AUTS2: variants seen among roughly 807,000 people sequenced by gnomAD.
AUTS2 encodes activator of transcription and developmental regulator AUTS2, also known as autism susceptibility gene 2 protein.
In AUTS2, 17 loss-of-function variants were observed where a neutral mutation model predicts 112.4. The observed-to-expected ratio is 0.15, with a 90% CI of 0.10 to 0.23. The LOEUF is 0.23. Ranked by LOEUF, AUTS2 falls within the 10% of genes least tolerant of loss-of-function variation. The pLI, the probability that AUTS2 is intolerant of heterozygous loss-of-function variation, is 1.00. For synonymous variants in AUTS2, 751 were observed against 702.7 expected (o/e 1.07, Z -1.09); for missense variants, 1,510 against 1,701.6 (o/e 0.89, Z 1.98).
chr7:70,461,925 T>C lies in AUTS2; in HGVS notation c.690+26144T>C, dbSNP rs560354093. 1.5e-4 allele frequency among the ~76,000 whole-genome samples: 23 copies of C among 152,268 alleles called. No homozygotes were observed. The South Asian group carries it at 4.8e-3, about 32-fold the overall frequency. On this transcript the variant is annotated intron_variant, in intron 5 of 18. Transcript: ENST00000342771. ...TTTCATTGGCCTTTCTCAAAAGAGT[T>C]GATTTGAGAAAGTGTTTTTTAAATA... is the stretch of plus-strand genomic sequence containing the variant.
At chr7:69,920,050 T>C in intron 2 of AUTS2, among the ~76,000 whole-genome samples, 1 of 140,116 alleles carries the variant, frequency 7.1e-6, no homozygotes, top group African/African-American at 2.7e-5. Context: ...TAATATGAGA[T>C]AGTGTAACTT....
intron 5 of AUTS2, among the ~76,000 whole-genome samples, chr7:70,681,590 T>C (rs925422285): frequency 2.0e-5 from 3 of 151,930 alleles, no homozygotes; most frequent in African/African-American, 7.3e-5. Context: ...ATTTCAGCGG[T>C]AGGCAAAGCA....
At chr7:70,281,131 A>G (rs914144676) in intron 4 of AUTS2, among the ~76,000 whole-genome samples, 2 of 152,158 alleles carry the variant, frequency 1.3e-5, no homozygotes, top group African/African-American at 4.8e-5. Flanking sequence ...ACATCCAACA[A>G]TCCCTTAAAT....
chr7:69,824,554 G>A (rs1054806985), intron 1 of AUTS2: 1 of 150,994 alleles, frequency 6.6e-6, no homozygotes, highest in African/African-American at 2.4e-5. Context: ...TTTAATCGCC[G>A]ATCTTGGTTG....
At chr7:70,184,135 G>A (rs1366526422) in intron 4 of AUTS2, among the ~76,000 whole-genome samples, 1 of 152,096 alleles carries the variant, frequency 6.6e-6, no homozygotes, top group Non-Finnish European at 1.5e-5. Flanking sequence ...CTGGAAATTT[G>A]TTAGCTCTTA....
intron 2 of AUTS2, among the ~76,000 whole-genome samples, chr7:70,036,043 G>A (rs1800986208): frequency 1.3e-5 from 2 of 152,238 alleles, no homozygotes; most frequent in African/African-American, 4.8e-5. Context: ...AGACTGCTTT[G>A]AATGGGGGAA....
chr7:70,592,057 A>G (rs1037482295), intron 5 of AUTS2, among the ~76,000 whole-genome samples: 2 of 152,250 alleles, frequency 1.3e-5, no homozygotes, highest in African/African-American at 4.8e-5. Flanking sequence ...TAAAATTAGA[A>G]AGTTATGCTG....
At position 70,787,225 on chromosome 7, in the gene AUTS2, C is replaced by T. The variant is rs141832494; in HGVS notation, c.2325C>T (p.Phe775=). 2.3e-5 allele frequency: 37 copies of T among 1,614,064 alleles called. No homozygotes were observed. In the African/African-American group the frequency reaches 3.9e-4, roughly 17 times the overall value. ...CCATTTCAGCACCCAACTCAATGTT[C>T]GGCCACAAGGATGGCCCCAGTGTGC... ...GNPSVTPNSM[F]GHKDGPSVQN... The change falls in exon 18 of 19, where the codon TTC becomes TTT. Residue 775 remains phenylalanine (F), a synonymous_variant. Transcript: ENST00000342771.
intron 5 of AUTS2, among the ~76,000 whole-genome samples, chr7:70,460,459 T>A (rs1796919335): frequency 6.8e-6 from 1 of 147,054 alleles, no homozygotes. Flanking sequence ...CAAGTGATTC[T>A]CCGGCCTCAG....
In AUTS2 at chr7:70,053,536, T is replaced by C. The variant is rs538436504; in HGVS notation, c.523-64596T>C. ...TGTCTTCCATTGTGGCAACCACTGT[T>C]TTGGGTGGTTTTTTTTTTTTGGAGA... is the stretch of plus-strand genomic sequence containing the variant. On this transcript the variant is annotated intron_variant, in intron 2 of 18. Coordinates refer to ENST00000342771, the MANE Select transcript of AUTS2 (RefSeq NM_015570.4). Among the ~76,000 whole-genome samples, 8 of 142,444 alleles carry C rather than the reference T, an allele frequency of 5.6e-5. No individual in the cohort carries two copies. The East Asian group carries it at 1.4e-3, about 25-fold the overall frequency. 93.4% of individuals were successfully genotyped at this position (142,444 alleles called of 152,430 possible). A position where few individuals can be genotyped will look rare whatever the true frequency, so the allele number is the denominator to read the frequency against.
At chr7:70,277,026 T>G (rs1787960666) in intron 4 of AUTS2, among the ~76,000 whole-genome samples, 1 of 152,210 alleles carries the variant, frequency 6.6e-6, no homozygotes, top group Non-Finnish European at 1.5e-5. Flanking sequence ...CCATTTGTTC[T>G]CAGTGTGAAA....
At chr7:70,155,995 T>G (rs924087219) in intron 4 of AUTS2, among the ~76,000 whole-genome samples, 4 of 152,036 alleles carry the variant, frequency 2.6e-5, no homozygotes, top group East Asian at 1.9e-4. Flanking sequence ...GTTTTGTTTT[T>G]TTCTCCTGTT....
chr7:70,181,815 T>G (rs1213845513), intron 4 of AUTS2, among the ~76,000 whole-genome samples: 1 of 103,954 alleles, frequency 9.6e-6, no homozygotes, highest in African/African-American at 3.7e-5. Flanking sequence ...TTTTTTTTTT[T>G]GAGATGGAGT....
chr7:70,768,547 T>C (rs1329477625), intron 10 of AUTS2, among the ~76,000 whole-genome samples: 2 of 152,180 alleles, frequency 1.3e-5, no homozygotes, highest in African/African-American at 2.4e-5. Flanking sequence ...TTCTTCCACA[T>C]GGCTGGTATT....
At chr7:70,279,408 C>T (rs745984960) in intron 4 of AUTS2, among the ~76,000 whole-genome samples, 3 of 152,118 alleles carry the variant, frequency 2.0e-5, no homozygotes, top group Admixed American at 6.5e-5. Context: ...AGAACCCGAA[C>T]GAGGCTACTC....
At chr7:69,886,176 A>G (rs1794262012) in intron 1 of AUTS2, among the ~76,000 whole-genome samples, 1 of 152,236 alleles carries the variant, frequency 6.6e-6, no homozygotes, top group Non-Finnish European at 1.5e-5. Flanking sequence ...AAGCCAATCA[A>G]AATTAGGTTG....
intron 4 of AUTS2, among the ~76,000 whole-genome samples, chr7:70,325,474 C>T (rs1298353387): frequency 5.9e-5 from 9 of 152,212 alleles, no homozygotes; most frequent in Non-Finnish European, 1.3e-4. Flanking sequence ...CTCTTCTTCA[C>T]TCCTGTCCAG....
At chr7:70,323,126 A>G (rs925116271) in intron 4 of AUTS2, among the ~76,000 whole-genome samples, 1 of 152,216 alleles carries the variant, frequency 6.6e-6, no homozygotes, top group African/African-American at 2.4e-5. Context: ...TATTTTACTA[A>G]GAAGATTGAG....
chr7:70,459,400 C>T (rs957434493), intron 5 of AUTS2, among the ~76,000 whole-genome samples: 7 of 152,170 alleles, frequency 4.6e-5, no homozygotes, highest in African/African-American at 1.7e-4. Flanking sequence ...TTTTTGTAAG[C>T]TGAGTGTGTT....
Sources: allele counts gnomAD v4.1 joint callset (sites outside exome capture counted in the v4.1 genomes callset), GRCh38; gene constraint gnomAD v4.1.1; transcripts MANE v1.5; gene names NCBI Gene and HGNC (gene_info 2026-07-23, HGNC 2026-07-21).